Variants in RFC3 observed in about 807,000 individuals in gnomAD.
RFC3 encodes the protein A1 38 kDa subunit.
In RFC3, 41 loss-of-function variants were observed where a neutral mutation model predicts 45.1. The observed-to-expected ratio is 0.91, with a 90% confidence interval of 0.71 to 1.18. The LOEUF is 1.18. Ranked by LOEUF, RFC3 falls within the 50% of genes most tolerant of loss-of-function variation. The probability of loss-of-function intolerance (pLI) is 0.00; values close to 1 mark genes in which losing one functional copy is unlikely to be tolerated. For synonymous variants in RFC3, 149 were observed against 144.0 expected (o/e 1.03, Z -0.25); for missense variants, 423 against 428.1 (o/e 0.99, Z 0.10).
chr13:33,848,615 C>T (rs1363637240), intron 8 of RFC3: 2 of 152,124 alleles, frequency 1.3e-5, no homozygotes, highest in Non-Finnish European at 2.9e-5. Flanking sequence ...TTTTGACAGT[C>T]ATTTGTCAAG....
intron 8 of RFC3, among the ~76,000 whole-genome samples, chr13:33,873,068 A>G (rs889544606): frequency 6.6e-6 from 1 of 152,114 alleles, no homozygotes; most frequent in Non-Finnish European, 1.5e-5. Context: ...TATGAACCTA[A>G]TAGGGTCCTC....
intron 8 of RFC3, among the ~76,000 whole-genome samples, chr13:33,959,231 C>T (rs2083041165): frequency 6.6e-6 from 1 of 152,176 alleles, no homozygotes; most frequent in South Asian, 2.1e-4. Flanking sequence ...CCTTCTAAAA[C>T]ACAACTATGA....
intron 1 of RFC3, 150 bp downstream of exon 1, chr13:33,818,415 G>C (rs980005728): frequency 4.9e-6 from 3 of 613,858 alleles, no homozygotes; most frequent in Non-Finnish European, 8.5e-6. Flanking sequence ...GAAGAGGTGT[G>C]GGAGGCTGGC....
At chr13:33,925,239 G>A (rs2082799123) in intron 8 of RFC3, among the ~76,000 whole-genome samples, 1 of 66,196 alleles carries the variant, frequency 1.5e-5, no homozygotes, top group South Asian at 5.5e-4. Flanking sequence ...CACATATAGT[G>A]TACTATATAC....
chr13:33,955,804 A>C (rs1159156676), intron 8 of RFC3, among the ~76,000 whole-genome samples: 2 of 152,182 alleles, frequency 1.3e-5, no homozygotes, highest in Admixed American at 6.5e-5. Flanking sequence ...AATTTGCCCC[A>C]CACACCACCC....
rs3135556 is a variant in RFC3, at chr13:33,821,477, C to T, written c.225+208C>T. Among the ~76,000 whole-genome samples the T allele has an allele frequency of 6.7e-3, 1,014 of 152,228 alleles. 9 individuals are homozygous for T. Among genetic ancestry groups the T allele is most frequent in the African/African-American group, 0.023 (970 of 41,522 alleles). ...ATTTATGTTAGATAGGAAATAAGAG[C>T]AACAGAGGGTTTGGGGTAAAATGTA... On this transcript the variant is annotated intron_variant, in intron 2 of 8. Transcript: ENST00000380071.
At chr13:33,867,347 C>A (rs1430067547) in intron 8 of RFC3, among the ~76,000 whole-genome samples, 7 of 152,132 alleles carry the variant, frequency 4.6e-5, no homozygotes, top group African/African-American at 1.7e-4. Flanking sequence ...AAGTAATGAC[C>A]CACCTATAAA....
intron 8 of RFC3, among the ~76,000 whole-genome samples, chr13:33,915,855 G>A (rs567857409): frequency 5.8e-4 from 89 of 152,192 alleles, no homozygotes; most frequent in Middle Eastern, 3.4e-3. Flanking sequence ...CTGGAGTGCA[G>A]CGGTGCGATC....
rs56129519 is a variant in RFC3, at chr13:33,896,711, C to CA, written c.879+61526dup. 9.5e-4 allele frequency among the ~76,000 whole-genome samples: 40 copies of CA among 42,106 alleles called. 2 individuals carry two copies. Among genetic ancestry groups the CA allele is most frequent in the African/African-American group, 1.9e-3 (29 of 15,164 alleles). 27.6% of individuals were successfully genotyped at this position (42,106 alleles called of 152,430 possible). The stretch of plus-strand genomic sequence containing the variant: ...TGGGCAACAGAGTAAGACTTTGTCT[C>CA]AAAAAAAAAAAAAAAAAAAAAAAAA... On this transcript the variant is annotated intron_variant, in intron 8 of 8. Coordinates refer to the RFC3 transcript ENST00000434425.
At chr13:33,873,729 C>T (rs753982146) in intron 8 of RFC3, among the ~76,000 whole-genome samples, 1 of 152,108 alleles carries the variant, frequency 6.6e-6, no homozygotes, top group Admixed American at 6.5e-5. Context: ...TAGACCAGGC[C>T]CCTGTTGTTG....
chr13:33,859,666 A>G (rs2082328419), intron 8 of RFC3, among the ~76,000 whole-genome samples: 1 of 152,194 alleles, frequency 6.6e-6, no homozygotes, highest in African/African-American at 2.4e-5. Flanking sequence ...ATAAAGCATT[A>G]TTAGGATGCA....
intron 8 of RFC3, among the ~76,000 whole-genome samples, chr13:33,869,508 C>T (rs895426965): frequency 5.3e-5 from 8 of 151,944 alleles, no homozygotes; most frequent in East Asian, 1.9e-4. Flanking sequence ...ATAGAAAATA[C>T]AATCCTTTTC....
intron 8 of RFC3, among the ~76,000 whole-genome samples, chr13:33,862,945 G>A (rs1191897025): frequency 6.6e-6 from 1 of 152,170 alleles, no homozygotes; most frequent in Non-Finnish European, 1.5e-5. Flanking sequence ...GCCTCCCAAT[G>A]CTGTCAGATT....
At chr13:33,873,385 A>G (rs565987642) in intron 8 of RFC3, among the ~76,000 whole-genome samples, 2 of 152,380 alleles carry the variant, frequency 1.3e-5, no homozygotes, top group South Asian at 2.1e-4. Context: ...GTGGAAGATT[A>G]AACTATTTCA....
At chr13:33,968,334 G>A (rs188327578), downstream of RFC3, among the ~76,000 whole-genome samples, 82 of 152,222 alleles carry the variant, frequency 5.4e-4, 1 homozygote, top group South Asian at 1.0e-2. Flanking sequence ...CACAATGTTG[G>A]CCAGGCTGGT....
intron 8 of RFC3, among the ~76,000 whole-genome samples, chr13:33,930,047 A>C (rs544342597): frequency 7.2e-5 from 11 of 152,134 alleles, no homozygotes; most frequent in Non-Finnish European, 1.6e-4. Flanking sequence ...TTTAATAAAT[A>C]CTGAATTGTA....
intron 8 of RFC3, among the ~76,000 whole-genome samples, chr13:33,948,262 T>A (rs1216072952): frequency 6.6e-6 from 1 of 152,220 alleles, no homozygotes; most frequent in African/African-American, 2.4e-5. Flanking sequence ...GGCCATTGCT[T>A]CAGAGGGTTC....
chr13:33,930,349 GA>G (rs1343733338), intron 8 of RFC3, among the ~76,000 whole-genome samples: 2 of 152,100 alleles, frequency 1.3e-5, no homozygotes, highest in Admixed American at 6.6e-5. Flanking sequence ...AAGCCCCTCA[GA>G]AACCACTGGT....
intron 8 of RFC3, among the ~76,000 whole-genome samples, chr13:33,890,954 A>T (rs1182146041): frequency 6.6e-6 from 1 of 152,214 alleles, no homozygotes; most frequent in African/African-American, 2.4e-5. Context: ...AGGAGACAGA[A>T]TATTATTGGG....
Sources: allele counts gnomAD v4.1 joint callset (sites outside exome capture counted in the v4.1 genomes callset), GRCh38; gene constraint gnomAD v4.1.1; transcripts MANE v1.5; gene names NCBI Gene and HGNC (gene_info 2026-07-23, HGNC 2026-07-21).